FHIP2A: variants seen among roughly 807,000 people sequenced by gnomAD.
The protein encoded by FHIP2A is FHF complex subunit HOOK interacting protein 2A, also known as family with sequence similarity 160 member B1.
A neutral mutation model predicts 93.5 loss-of-function variants in FHIP2A; 46 were observed. That is an observed-to-expected ratio of 0.49 (90% CI 0.39 to 0.63). FHIP2A has a LOEUF of 0.63. Ranked by LOEUF, FHIP2A falls within the 20% of genes least tolerant of loss-of-function variation. The probability of loss-of-function intolerance (pLI) is 0.00; values close to 1 mark genes in which losing one functional copy is unlikely to be tolerated. For missense variants in FHIP2A, 769 were observed against 909.7 expected, an observed-to-expected ratio of 0.85 and a Z score of 1.99; for synonymous variants, 332 against 326.5, an observed-to-expected ratio of 1.02 and a Z score of -0.18.
chr10:114,830,330 T>A (rs2083600777), intron 1 of FHIP2A, among the ~76,000 whole-genome samples: 1 of 147,206 alleles, frequency 6.8e-6, no homozygotes. Context: ...TGGAGTGCAG[T>A]GGCGCAATCT....
intron 1 of FHIP2A, among the ~76,000 whole-genome samples, chr10:114,826,206 C>T (rs1003511043): frequency 6.6e-6 from 1 of 152,206 alleles, no homozygotes; most frequent in Non-Finnish European, 1.5e-5. Context: ...ACTTGGTGTG[C>T]TTGTGTCCTT....
intron 16 of FHIP2A, among the ~76,000 whole-genome samples, chr10:114,892,333 T>G (rs1434351208): frequency 6.6e-6 from 1 of 152,168 alleles, no homozygotes; most frequent in Non-Finnish European, 1.5e-5. Flanking sequence ...GGTATACATA[T>G]GTGCCATAAG....
intron 1 of FHIP2A, among the ~76,000 whole-genome samples, chr10:114,825,986 A>G (rs1296151333): frequency 6.6e-6 from 1 of 152,252 alleles, no homozygotes; most frequent in Non-Finnish European, 1.5e-5. Flanking sequence ...TTCAAATTAT[A>G]GTTAAGAGTT....
intron 14 of FHIP2A, among the ~76,000 whole-genome samples, chr10:114,860,098 T>G (rs1390543821): frequency 6.6e-6 from 1 of 152,250 alleles, no homozygotes; most frequent in Non-Finnish European, 1.5e-5. Flanking sequence ...ATGGGTCCTC[T>G]GTAATTAATA....
intron 16 of FHIP2A, among the ~76,000 whole-genome samples, chr10:114,874,715 G>C (rs2143014474): frequency 6.6e-6 from 1 of 152,220 alleles, no homozygotes; most frequent in Non-Finnish European, 1.5e-5. Flanking sequence ...TGTTAGCCAG[G>C]CTGGTCTCGA....
At chr10:114,847,867 C>T (rs1002644960) in intron 12 of FHIP2A, among the ~76,000 whole-genome samples, 5 of 151,934 alleles carry the variant, frequency 3.3e-5, no homozygotes, top group African/African-American at 1.2e-4. Flanking sequence ...CTGCCTCAGG[C>T]TCCTGAGTAG....
chr10:114,823,243 G>T (rs538926020), intron 1 of FHIP2A, among the ~76,000 whole-genome samples: 1 of 152,268 alleles, frequency 6.6e-6, no homozygotes, highest in South Asian at 2.1e-4. Context: ...AGTGATACAT[G>T]AGAAGCGTTA....
chr10:114,894,306 C>T (rs2083989671), intron 16 of FHIP2A, among the ~76,000 whole-genome samples: 2 of 151,022 alleles, frequency 1.3e-5, no homozygotes, highest in African/African-American at 4.9e-5. Context: ...CGCCTGTAAT[C>T]CCAGCACTTT....
intron 12 of FHIP2A, among the ~76,000 whole-genome samples, chr10:114,848,042 GTACTTAT>G (rs1428464648): frequency 6.6e-6 from 1 of 152,132 alleles, no homozygotes; most frequent in East Asian, 1.9e-4. Flanking sequence ...TTGATAAGAT[GTACTTAT>G]TAAACATGTG....
chr10:114,875,851 GAAAAA>G (rs2083883667), intron 16 of FHIP2A, among the ~76,000 whole-genome samples: 1 of 112,378 alleles, frequency 8.9e-6, no homozygotes, highest in Admixed American at 8.9e-5. Flanking sequence ...AAGAAAGAAA[GAAAAA>G]GAAAGAAAGA....
chr10:114,892,840 A>G (rs2083982511), intron 16 of FHIP2A, among the ~76,000 whole-genome samples: 1 of 152,134 alleles, frequency 6.6e-6, no homozygotes, highest in African/African-American at 2.4e-5. Context: ...GATATCCAGG[A>G]AAATTAGATA....
rs2083818694 is a variant in FHIP2A at position 114,864,486 on chromosome 10, C to G, written c.*2946C>G. The G allele has an allele frequency of 1.0e-6, 1 of 985,588 alleles. No homozygotes were observed. The highest frequency in any genetic ancestry group is 1.2e-6 in the Non-Finnish European group (1 of 829,858). 61.1% of individuals were successfully genotyped at this position (985,588 alleles called of 1,614,324 possible). ...TCTGTTTTGCCTCCTGCCTTGTTTA[C>G]ATTAAACAGGATATTTGGTAAATTT... On this transcript the variant is annotated 3_prime_UTR_variant, in exon 17 of 17. Transcript: ENST00000369248.
chr10:114,842,621 ACCT>A (rs1052859626), intron 5 of FHIP2A, among the ~76,000 whole-genome samples: 8 of 151,860 alleles, frequency 5.3e-5, no homozygotes, highest in African/African-American at 1.9e-4. Flanking sequence ...TGCAATTGAA[ACCT>A]CCTGAAACTT....
downstream of FHIP2A, chr10:114,864,738 T>C: frequency 4.1e-6 from 4 of 969,760 alleles, no homozygotes; most frequent in Non-Finnish European, 4.9e-6. Flanking sequence ...TTTTGTAAAA[T>C]TCTAATTGGG....
intron 16 of FHIP2A, among the ~76,000 whole-genome samples, chr10:114,887,659 C>G (rs899949038): frequency 1.3e-5 from 2 of 152,182 alleles, no homozygotes; most frequent in Non-Finnish European, 2.9e-5. Context: ...ATAGATTAGG[C>G]AATGGGGATT....
At chr10:114,853,485 A>G (rs1435633799) in intron 13 of FHIP2A, among the ~76,000 whole-genome samples, 1 of 152,234 alleles carries the variant, frequency 6.6e-6, no homozygotes, top group Non-Finnish European at 1.5e-5. Flanking sequence ...AGCAAGTAAC[A>G]TTCAAATAAC....
intron 16 of FHIP2A, among the ~76,000 whole-genome samples, chr10:114,886,097 G>A (rs2083941388): frequency 6.6e-6 from 1 of 152,184 alleles, no homozygotes; most frequent in Admixed American, 6.5e-5. Context: ...AACAACTACA[G>A]TAACAGGAGG....
At chr10:114,868,770 A>G (rs1403328478), downstream of FHIP2A, among the ~76,000 whole-genome samples, 3 of 152,154 alleles carry the variant, frequency 2.0e-5, no homozygotes, top group African/African-American at 7.2e-5. Context: ...AATGGTACCC[A>G]TGTTGTGATG....
At chr10:114,883,966 C>T (rs890893088) in intron 16 of FHIP2A, among the ~76,000 whole-genome samples, 2 of 152,108 alleles carry the variant, frequency 1.3e-5, no homozygotes, top group African/African-American at 4.8e-5. Flanking sequence ...GATTGGTTTC[C>T]ATCCTCCAAA....
Sources: allele counts gnomAD v4.1 joint callset (sites outside exome capture counted in the v4.1 genomes callset), GRCh38; gene constraint gnomAD v4.1.1; transcripts MANE v1.5; gene names NCBI Gene and HGNC (gene_info 2026-07-23, HGNC 2026-07-21).